Variants in KCTD8 observed in about 807,000 individuals in gnomAD.
KCTD8 encodes potassium channel tetramerization domain containing 8.
In KCTD8, 27 loss-of-function variants were observed where a neutral mutation model predicts 31.5. The ratio of observed to expected loss-of-function variants is 0.86; its 90% CI spans 0.63 to 1.18. KCTD8 has a LOEUF of 1.18. Among genes scored for constraint, KCTD8 ranks in the 50% most tolerant of loss-of-function variants. KCTD8 has a pLI of 0.00. For missense variants in KCTD8, 658 were observed against 647.7 expected (o/e 1.02, Z -0.17); for synonymous variants, 290 against 280.0 (o/e 1.04, Z -0.36).
At chr4:44,339,046 T>C (rs186596273) in intron 1 of KCTD8, among the ~76,000 whole-genome samples, 1 of 152,316 alleles carries the variant, frequency 6.6e-6, no homozygotes, top group Non-Finnish European at 1.5e-5. Context: ...AGGCCACACG[T>C]AATATAGAAA....
At chr4:44,357,654 T>C (rs780935449) in intron 1 of KCTD8, among the ~76,000 whole-genome samples, 5 of 152,138 alleles carry the variant, frequency 3.3e-5, no homozygotes, top group Non-Finnish European at 2.9e-5. Flanking sequence ...ATTAGACATA[T>C]ACTTCAGAGG....
At chr4:44,330,656 CAATT>C (rs913714461) in intron 1 of KCTD8, among the ~76,000 whole-genome samples, 5 of 151,748 alleles carry the variant, frequency 3.3e-5, no homozygotes, top group Non-Finnish European at 2.9e-5. Context: ...TTCAATAATT[CAATT>C]AATTAATTTT....
Position 44,448,566 on chromosome 4 carries a change from T to G in KCTD8, c.-43A>C. On this transcript the variant is annotated 5_prime_UTR_variant, in exon 1 of 2. Transcript: ENST00000360029. The surrounding 1 kb of genome is among the most constrained non-coding windows in gnomAD (Gnocchi z 4.1). Reference sequence around the variant, plus strand: ...CCCAGTGACCCGAGAGAGCTGCACTTTCTCGTTCCCGGAGCCCGCGCCCCA... The same window carrying G: ...CCCAGTGACCCGAGAGAGCTGCACTGTCTCGTTCCCGGAGCCCGCGCCCCA... The G allele has an allele frequency of 7.1e-7, 1 of 1,401,560 alleles. No homozygotes were observed. Among genetic ancestry groups the G allele is most frequent in the South Asian group, 1.8e-5 (1 of 55,384 alleles). 86.8% of individuals were successfully genotyped at this position (1,401,560 alleles called of 1,614,324 possible). A position where few individuals can be genotyped will look rare whatever the true frequency, so the allele number is the denominator to read the frequency against.
chr4:44,175,732 T>A (rs1713195970), intron 1 of KCTD8, among the ~76,000 whole-genome samples: 1 of 152,188 alleles, frequency 6.6e-6, no homozygotes, highest in Non-Finnish European at 1.5e-5. Context: ...AAAGCTGCAG[T>A]ATTCTCCAGG....
chr4:44,266,150 T>C (rs1337620126), intron 1 of KCTD8, among the ~76,000 whole-genome samples: 1 of 151,964 alleles, frequency 6.6e-6, no homozygotes, highest in Non-Finnish European at 1.5e-5. Context: ...AGAGAAAGGT[T>C]GGGTTACCCA....
At chr4:44,265,727 C>T (rs1483724902) in intron 1 of KCTD8, among the ~76,000 whole-genome samples, 2 of 151,738 alleles carry the variant, frequency 1.3e-5, no homozygotes, top group South Asian at 2.1e-4. Context: ...AGCCAAGGCT[C>T]GAGAACTACG....
chr4:44,176,860 C>CATCTATCTCTCTATCT, intron 1 of KCTD8, among the ~76,000 whole-genome samples: 1 of 148,472 alleles, frequency 6.7e-6, no homozygotes, highest in South Asian at 2.2e-4. Context: ...TATATGTCTA[C>CATCTATCTCTCTATCT]ATCTATCTAT....
Position 44,437,331 on chromosome 4 carries a change from A to C in KCTD8, c.961+10232T>G, listed in dbSNP as rs1160528228. On this transcript the variant is annotated intron_variant, in intron 1 of 1. Coordinates refer to ENST00000360029, the MANE Select transcript of KCTD8 (RefSeq NM_198353.3). The stretch of plus-strand genomic sequence containing the variant: ...TAAAGTCAGGCAATGCACATATCTT[A>C]CAAATGTCATCGTCCCAGTCATGAA... 2.6e-5 allele frequency among the ~76,000 whole-genome samples: 4 copies of C among 152,168 alleles called. No homozygotes were observed. The East Asian group carries it at 7.7e-4, about 29-fold the overall frequency.
chr4:44,231,344 G>A (rs372345371), intron 1 of KCTD8, among the ~76,000 whole-genome samples: 74 of 152,224 alleles, frequency 4.9e-4, no homozygotes, highest in African/African-American at 1.6e-3. Flanking sequence ...TATAATTAGC[G>A]AGCACTGTAA....
chr4:44,297,774 C>T (rs1717480210), intron 1 of KCTD8, among the ~76,000 whole-genome samples: 1 of 152,172 alleles, frequency 6.6e-6, no homozygotes, highest in African/African-American at 2.4e-5. Context: ...GAAATGTCTA[C>T]TACTCCACAA....
chr4:44,179,274 T>G (rs2109329077), intron 1 of KCTD8, among the ~76,000 whole-genome samples: 1 of 152,026 alleles, frequency 6.6e-6, no homozygotes, highest in African/African-American at 2.4e-5. Flanking sequence ...CAGGGCATGG[T>G]CGGAAATAGA....
At chr4:44,231,216 T>C (rs1261624308) in intron 1 of KCTD8, among the ~76,000 whole-genome samples, 1 of 152,158 alleles carries the variant, frequency 6.6e-6, no homozygotes, top group Non-Finnish European at 1.5e-5. Flanking sequence ...AAAGATCATA[T>C]ATCTCACCTC....
intron 1 of KCTD8, among the ~76,000 whole-genome samples, chr4:44,229,866 T>C (rs1243134127): frequency 1.3e-5 from 2 of 152,134 alleles, no homozygotes; most frequent in African/African-American, 2.4e-5. Context: ...CTGGGATACA[T>C]GTGCAGAACG....
At chr4:44,204,198 A>T (rs1211106023) in intron 1 of KCTD8, among the ~76,000 whole-genome samples, 2 of 152,170 alleles carry the variant, frequency 1.3e-5, no homozygotes, top group Non-Finnish European at 2.9e-5. Context: ...GGAAGAAAAA[A>T]ACCTTTAACT....
chr4:44,258,456 A>G (rs1433193626), intron 1 of KCTD8, among the ~76,000 whole-genome samples: 2 of 151,918 alleles, frequency 1.3e-5, no homozygotes, highest in East Asian at 3.9e-4. Flanking sequence ...ATCTGGGGAG[A>G]AGGGAGGTAA....
chr4:44,300,047 G>C (rs1717563493), intron 1 of KCTD8, among the ~76,000 whole-genome samples: 1 of 152,022 alleles, frequency 6.6e-6, no homozygotes, highest in Non-Finnish European at 1.5e-5. Context: ...ACCGCACTCG[G>C]CCGCCTTAGG....
At chr4:44,441,719 T>C (rs1721815096) in intron 1 of KCTD8, among the ~76,000 whole-genome samples, 1 of 152,208 alleles carries the variant, frequency 6.6e-6, no homozygotes, top group Admixed American at 6.5e-5. Flanking sequence ...ATTGAACTAT[T>C]AGGGAACTAA....
intron 1 of KCTD8, among the ~76,000 whole-genome samples, chr4:44,311,767 C>G (rs1029584678): frequency 6.6e-6 from 1 of 151,682 alleles, no homozygotes; most frequent in African/African-American, 2.4e-5. Flanking sequence ...TTGTAACTCT[C>G]AACTCCGTGG....
chr4:44,384,977 A>T (rs1445473461), intron 1 of KCTD8, among the ~76,000 whole-genome samples: 1 of 149,568 alleles, frequency 6.7e-6, no homozygotes, highest in Non-Finnish European at 1.5e-5. Context: ...AGATGAGAAG[A>T]ATATAGACCA....
Sources: gnomAD v4.1 joint callset for allele counts (sites outside exome capture counted in the v4.1 genomes callset) on GRCh38, gnomAD v4.1.1 for gene constraint, Gnocchi (gnomAD v3.1) non-coding constraint, MANE v1.5 for transcripts, NCBI Gene and HGNC (gene_info 2026-07-23, HGNC 2026-07-21) for gene names.